The following CYP7B1 variants were observed in gnomAD, a reference collection of about 807,000 sequenced individuals.
CYP7B1 encodes the protein cytochrome P450 family 7 subfamily B member 1.
In CYP7B1, 29 loss-of-function variants were observed where a neutral mutation model predicts 42.7. The observed-to-expected ratio is 0.68, with a 90% CI of 0.51 to 0.93. The LOEUF (loss-of-function observed/expected upper bound fraction) is 0.93, where lower values mean the gene tolerates loss of function less well. CYP7B1 is among the 40% of genes least tolerant of loss of function. The probability of loss-of-function intolerance (pLI) is 0.00; values close to 1 mark genes in which losing one functional copy is unlikely to be tolerated. For synonymous variants in CYP7B1, 235 were observed against 218.2 expected, an observed-to-expected ratio of 1.08 and a Z score of -0.68; for missense variants, 655 against 600.5, an observed-to-expected ratio of 1.09 and a Z score of -0.95.
intron 4 of CYP7B1, among the ~76,000 whole-genome samples, chr8:64,605,855 G>GAC (rs145951783): frequency 2.0e-5 from 3 of 151,782 alleles, no homozygotes; most frequent in African/African-American, 7.3e-5. Context: ...AAATCACACA[G>GAC]ACACACACAC....
At chr8:64,589,366 A>T (rs563970422), downstream of CYP7B1, among the ~76,000 whole-genome samples, 99 of 152,364 alleles carry the variant, frequency 6.5e-4, 2 homozygotes, top group African/African-American at 2.3e-3. Context: ...GTCTAAACTT[A>T]GTTCAAAATA....
downstream of CYP7B1, chr8:64,587,818 G>C (rs1804988906): frequency 2.0e-5 from 3 of 152,148 alleles, no homozygotes; most frequent in Admixed American, 1.3e-4. Context: ...GAAATGAATG[G>C]GTTGGGAAGG....
At chr8:64,750,503 T>C (rs1256824276) in intron 1 of CYP7B1, among the ~76,000 whole-genome samples, 1 of 152,188 alleles carries the variant, frequency 6.6e-6, no homozygotes. Context: ...GTTCCATCTG[T>C]TGGTTTATTT....
intron 1 of CYP7B1, among the ~76,000 whole-genome samples, chr8:64,681,712 A>T: frequency 6.6e-6 from 1 of 152,168 alleles, no homozygotes; most frequent in Admixed American, 6.5e-5. Flanking sequence ...GCTTGGAAGC[A>T]GATTCTTCAG....
At chr8:64,708,384 C>T (rs1807030596) in intron 1 of CYP7B1, among the ~76,000 whole-genome samples, 1 of 152,158 alleles carries the variant, frequency 6.6e-6, no homozygotes, top group Non-Finnish European at 1.5e-5. Context: ...CAATATGTCA[C>T]CACCTTTCTT....
intron 1 of CYP7B1, among the ~76,000 whole-genome samples, chr8:64,692,045 A>C (rs1441978379): frequency 6.6e-6 from 1 of 152,228 alleles, no homozygotes; most frequent in African/African-American, 2.4e-5. Flanking sequence ...TAGAAAAAAA[A>C]CTCACAGATG....
intron 1 of CYP7B1, among the ~76,000 whole-genome samples, chr8:64,738,881 G>T (rs1056014053): frequency 6.6e-6 from 1 of 152,110 alleles, no homozygotes; most frequent in African/African-American, 2.4e-5. Context: ...AAATTCCTGG[G>T]GGGTGAGTGT....
intron 1 of CYP7B1, among the ~76,000 whole-genome samples, chr8:64,674,221 C>G (rs1387872520): frequency 3.3e-5 from 5 of 152,124 alleles, no homozygotes; most frequent in Non-Finnish European, 7.4e-5. Flanking sequence ...CAGCTGAGTA[C>G]TGACTATATC....
intron 1 of CYP7B1, among the ~76,000 whole-genome samples, chr8:64,781,293 G>T (rs1392705197): frequency 6.6e-6 from 1 of 152,084 alleles, no homozygotes; most frequent in Non-Finnish European, 1.5e-5. Flanking sequence ...AAAGAACATG[G>T]GGAATATGGC....
chr8:64,785,350 C>T (rs931616046), intron 1 of CYP7B1, among the ~76,000 whole-genome samples: 4 of 152,144 alleles, frequency 2.6e-5, no homozygotes, highest in African/African-American at 9.7e-5. Context: ...GCAATGTTGC[C>T]CATGCATACT....
intron 1 of CYP7B1, among the ~76,000 whole-genome samples, chr8:64,747,953 C>T (rs1807669439): frequency 6.6e-6 from 1 of 152,072 alleles, no homozygotes; most frequent in African/African-American, 2.4e-5. Context: ...GAACTAAGGT[C>T]ATGGCCTAGC....
intron 1 of CYP7B1, among the ~76,000 whole-genome samples, chr8:64,741,477 G>A (rs187160365): frequency 2.0e-5 from 3 of 152,134 alleles, no homozygotes; most frequent in Non-Finnish European, 4.4e-5. Flanking sequence ...GCACCACCAT[G>A]CCCAGCTAAT....
intron 1 of CYP7B1, among the ~76,000 whole-genome samples, chr8:64,633,948 C>G (rs1023508338): frequency 6.6e-6 from 1 of 152,148 alleles, no homozygotes; most frequent in Non-Finnish European, 1.5e-5. Flanking sequence ...AATTGACCCA[C>G]ACAAATATAG....
At chr8:64,723,560 A>G (rs1585877873) in intron 1 of CYP7B1, among the ~76,000 whole-genome samples, 1 of 152,364 alleles carries the variant, frequency 6.6e-6, no homozygotes, top group East Asian at 1.9e-4. Flanking sequence ...GATTTGTAAA[A>G]GTCGGATTTT....
intron 1 of CYP7B1, among the ~76,000 whole-genome samples, chr8:64,652,378 C>CTCA (rs1806052765): frequency 1.3e-5 from 2 of 152,186 alleles, no homozygotes; most frequent in African/African-American, 4.8e-5. Context: ...ATACATTCTT[C>CTCA]TCATCACCAC....
intron 1 of CYP7B1, among the ~76,000 whole-genome samples, chr8:64,681,292 C>A (rs1030138166): frequency 6.6e-6 from 1 of 152,162 alleles, no homozygotes; most frequent in Non-Finnish European, 1.5e-5. Flanking sequence ...ATTCCCCAGT[C>A]GTCACGGAGT....
At chr8:64,604,923 G>T (rs767701376) in intron 4 of CYP7B1, 66 bp from the exon 5 acceptor site, 212 of 1,504,240 alleles carry the variant, frequency 1.4e-4, no homozygotes, top group Middle Eastern at 3.4e-4. Context: ...CTCTCAGTTT[G>T]CAATAAAACT....
intron 1 of CYP7B1, among the ~76,000 whole-genome samples, chr8:64,634,666 A>G (rs1271060430): frequency 1.3e-5 from 2 of 152,168 alleles, no homozygotes; most frequent in Non-Finnish European, 2.9e-5. Context: ...TCTAAAAAGT[A>G]GTTGATGACA....
intron 1 of CYP7B1, among the ~76,000 whole-genome samples, chr8:64,676,021 G>C (rs554374800): frequency 6.6e-6 from 1 of 152,246 alleles, no homozygotes; most frequent in South Asian, 2.1e-4. Context: ...AGTCCGGACA[G>C]AGTGCAAGGA....
Sources: gnomAD v4.1 joint callset for allele counts (sites outside exome capture counted in the v4.1 genomes callset) on GRCh38, gnomAD v4.1.1 for gene constraint, MANE v1.5 for transcripts, NCBI Gene and HGNC (gene_info 2026-07-23, HGNC 2026-07-21) for gene names.